Variants in CACNA1B observed in about 807,000 individuals in gnomAD.
The protein encoded by CACNA1B is calcium voltage-gated channel subunit alpha1 B, also known as voltage-dependent N-type calcium channel subunit alpha-1B.
CACNA1B carries 70 observed loss-of-function variants against 247.2 expected under a neutral mutation model. The observed-to-expected ratio is 0.28, with a 90% confidence interval of 0.23 to 0.35. The LOEUF is 0.35. CACNA1B is among the 10% of genes least tolerant of loss of function. The probability of loss-of-function intolerance (pLI) is 1.00; values close to 1 mark genes in which losing one functional copy is unlikely to be tolerated. For missense variants in CACNA1B, 2,367 were observed against 3,197.4 expected, an observed-to-expected ratio of 0.74 and a Z score of 6.26; for synonymous variants, 1,231 against 1,294.4, an observed-to-expected ratio of 0.95 and a Z score of 1.05.
At chr9:138,040,774 C>T in intron 20 of CACNA1B, 1 of 181,770 alleles carries the variant, frequency 5.5e-6, no homozygotes, top group Non-Finnish European at 1.2e-5. Context: ...CTTCCGCAGC[C>T]CACTGACTCA....
chr9:137,880,724 G>A lies in CACNA1B; in HGVS notation c.390+1565G>A, dbSNP rs1357913184. On this transcript the variant is annotated intron_variant, in intron 2 of 46. Coordinates refer to ENST00000371372, the MANE Select transcript of CACNA1B (RefSeq NM_000718.4). This position sits in a 1 kb window ranked among gnomAD's most constrained non-coding sequence, Gnocchi z 4.8. The stretch of plus-strand genomic sequence containing the variant: ...TAGAGGTCTGGGGAGCTCTTGACCA[G>A]TCCCAGTCCCATGTGCAGGCCCAGC... Among the ~76,000 whole-genome samples the A allele has an allele frequency of 1.3e-5, 2 of 152,176 alleles. No homozygotes were observed. The highest frequency in any genetic ancestry group is 4.8e-5 in the African/African-American group (2 of 41,440).
rs1961479240 is a variant in CACNA1B at position 138,107,674 on chromosome 9, A to G, written c.5428+1867A>G. Among the ~76,000 whole-genome samples, 5 of 152,132 alleles carry G rather than the reference A, an allele frequency of 3.3e-5. No homozygotes were observed. In the South Asian group the frequency reaches 8.3e-4, roughly 25 times the overall value. On this transcript the variant is annotated intron_variant, in intron 39 of 46. Coordinates refer to ENST00000371372, the MANE Select transcript of CACNA1B (RefSeq NM_000718.4). ...TCTGTCTGCCTTCAACACAACAGCC[A>G]GAGTGATCAGGTTAAAAAAAAGACT...
At chr9:137,999,172 C>T (rs76206487) in intron 15 of CACNA1B, among the ~76,000 whole-genome samples, 6,540 of 152,014 alleles carry the variant, frequency 0.043, 175 homozygotes, top group South Asian at 0.083. Context: ...CAAAATTTAG[C>T]CAGGTGTGGT....
Position 138,076,837 on chromosome 9 carries a change from C to T in CACNA1B, c.4949+927C>T, listed in dbSNP as rs559038656. Among the ~76,000 whole-genome samples the T allele has an allele frequency of 8.5e-5, 13 of 152,316 alleles. No individual in the cohort carries two copies. The East Asian group carries it at 1.2e-3, about 14-fold the overall frequency. The stretch of plus-strand genomic sequence containing the variant: ...CCCTGCCTGCAGATGCGCGCTGGGG[C>T]GAGCTCAGACCCAGACCTGCTTTGC... On this transcript the variant is annotated intron_variant, in intron 35 of 46. Coordinates refer to ENST00000371372, the MANE Select transcript of CACNA1B (RefSeq NM_000718.4).
At chr9:138,019,750 G>C (rs1958819535) in intron 18 of CACNA1B, among the ~76,000 whole-genome samples, 1 of 152,118 alleles carries the variant, frequency 6.6e-6, no homozygotes, top group Non-Finnish European at 1.5e-5. Context: ...ATGTCTCCTG[G>C]GGCAAGAAAG....
At chr9:137,958,099 A>G (rs1957970838) in intron 10 of CACNA1B, among the ~76,000 whole-genome samples, 1 of 151,560 alleles carries the variant, frequency 6.6e-6, no homozygotes, top group Admixed American at 6.6e-5. Flanking sequence ...TCATTTTGAG[A>G]CACCAAGTCA....
intron 3 of CACNA1B, among the ~76,000 whole-genome samples, chr9:137,894,752 A>G (rs751108204): frequency 2.6e-5 from 4 of 152,084 alleles, no homozygotes; most frequent in Non-Finnish European, 5.9e-5. Context: ...TATTTTGCTC[A>G]TATTCCAGTT....
chr9:138,115,733 A>G, intron 42 of CACNA1B, 54 bp downstream of exon 42: 1 of 1,541,126 alleles, frequency 6.5e-7, no homozygotes, highest in Non-Finnish European at 8.8e-7. Flanking sequence ...AAAGACAGTA[A>G]AGGGGGAAGC....
Position 138,053,858 on chromosome 9 carries a change from T to A in CACNA1B, c.3820T>A (p.Cys1274Ser), listed in dbSNP as rs1246787513. The A allele has an allele frequency of 6.2e-7, 1 of 1,612,490 alleles. No homozygotes were observed. Among genetic ancestry groups the A allele is most frequent in the Non-Finnish European group, 8.5e-7 (1 of 1,178,856 alleles). Residue 1274 changes from cysteine to serine, a missense_variant, in exon 26 of 47, where the codon TGT becomes AGT. Physicochemically the swap from Cys to Ser is moderately radical, Grantham distance 112. Transcript: ENST00000371372. Reference protein sequence around the residue: ...RLPKLKAVFDCVVNSLKNVLN... With the variant: ...RLPKLKAVFDSVVNSLKNVLN... Reference sequence around the variant, plus strand: ...CCTCCTCCTGCAGGCTGTGTTTGACTGTGTGGTGAACTCCCTGAAGAATGT... The same window carrying A: ...CCTCCTCCTGCAGGCTGTGTTTGACAGTGTGGTGAACTCCCTGAAGAATGT...
chr9:138,015,741 C>T (rs765770172), intron 18 of CACNA1B, among the ~76,000 whole-genome samples: 14 of 152,176 alleles, frequency 9.2e-5, no homozygotes, highest in Non-Finnish European at 1.3e-4. Flanking sequence ...GGCACCCTAG[C>T]GTGTCGCATG....
chr9:138,013,246 T>C lies in CACNA1B; in HGVS notation c.2267+11T>C. 1 of 1,564,746 alleles carries C rather than the reference T, an allele frequency of 6.4e-7. No homozygotes were observed. Among genetic ancestry groups the C allele is most frequent in the Non-Finnish European group, 8.7e-7 (1 of 1,155,232 alleles). ...CATCTCCATCGCCGCGTAAGGCTCC[T>C]AGGAGTGGATTGTGGGGTGGCAGTG... On this transcript the variant is annotated intron_variant, in intron 18 of 46. Transcript: ENST00000371372.
At chr9:138,085,313 T>C (rs1357799989) in intron 36 of CACNA1B, among the ~76,000 whole-genome samples, 2 of 150,846 alleles carry the variant, frequency 1.3e-5, no homozygotes, top group African/African-American at 4.9e-5. Context: ...AACTTGAAGA[T>C]AGGTCATTTG....
At chr9:138,095,443 A>G (rs1434959308) in intron 36 of CACNA1B, among the ~76,000 whole-genome samples, 9 of 152,244 alleles carry the variant, frequency 5.9e-5, no homozygotes, top group African/African-American at 2.2e-4. Flanking sequence ...CTATAACAAT[A>G]ATTTTTCTAA....
intron 3 of CACNA1B, among the ~76,000 whole-genome samples, chr9:137,911,485 G>A (rs1477314518): frequency 6.6e-6 from 1 of 152,078 alleles, no homozygotes; most frequent in African/African-American, 2.4e-5. Flanking sequence ...GCGCAATCTC[G>A]GCTCACTGCA....
intron 36 of CACNA1B, among the ~76,000 whole-genome samples, chr9:138,092,008 G>C (rs909219958): frequency 6.6e-6 from 1 of 152,126 alleles, no homozygotes; most frequent in Non-Finnish European, 1.5e-5. Flanking sequence ...AAAGGGGAGA[G>C]GGGTACAAAC....
rs1185664531 is a variant in CACNA1B at position 138,115,539 on chromosome 9, G to GCCT, written c.5650-9_5650-7dup. 1 of 1,610,042 alleles carries GCCT rather than the reference G, an allele frequency of 6.2e-7. No homozygotes were observed. The highest frequency in any genetic ancestry group is 8.5e-7 in the Non-Finnish European group (1 of 1,178,180). ...CATTGGAGCTCTTTCCCTTCCCTTT[G>GCCT]CCTCCTTTGCAGATGGGTCCTGTGT... On this transcript the variant is annotated splice_polypyrimidine_tract_variant and intron_variant, in intron 41 of 46. Coordinates refer to ENST00000371372, the MANE Select transcript of CACNA1B (RefSeq NM_000718.4).
intron 20 of CACNA1B, among the ~76,000 whole-genome samples, chr9:138,028,962 TG>T (rs1958955142): frequency 6.6e-6 from 1 of 152,230 alleles, no homozygotes; most frequent in Non-Finnish European, 1.5e-5. Context: ...GTTAGCCACT[TG>T]GGATCCATCT....
chr9:137,895,917 A>T (rs540288539), intron 3 of CACNA1B, among the ~76,000 whole-genome samples: 13 of 152,272 alleles, frequency 8.5e-5, no homozygotes, highest in Admixed American at 8.5e-4. Flanking sequence ...AAATTTCAGG[A>T]GGAAAACATT....
At position 137,954,893 on chromosome 9, in the gene CACNA1B, A is replaced by T. The variant is rs544851808; in HGVS notation, c.1071-805A>T. On this transcript the variant is annotated intron_variant, in intron 7 of 46. Coordinates refer to ENST00000371372, the MANE Select transcript of CACNA1B (RefSeq NM_000718.4). This position sits in a 1 kb window ranked among gnomAD's most constrained non-coding sequence, Gnocchi z 4.1. Reference sequence around the variant, plus strand: ...GTGTGTGTGTGTGAGAGAGAGAGAGAGAGAGAGAGGGGGAGAGAGAGAGAG... The same window carrying T: ...GTGTGTGTGTGTGAGAGAGAGAGAGTGAGAGAGAGGGGGAGAGAGAGAGAG... Among the ~76,000 whole-genome samples the T allele has an allele frequency of 2.5e-3, 244 of 96,414 alleles. 2 individuals carry two copies. The highest frequency in any genetic ancestry group is 0.02 in the East Asian group (32 of 1,584). The allele number at this position is 96,414 out of a possible 152,430, so 63.3% of individuals were successfully genotyped here.
Sources: gnomAD v4.1 joint callset for allele counts (sites outside exome capture counted in the v4.1 genomes callset) on GRCh38, gnomAD v4.1.1 for gene constraint, Gnocchi (gnomAD v3.1) non-coding constraint, MANE v1.5 for transcripts, NCBI Gene and HGNC (gene_info 2026-07-23, HGNC 2026-07-21) for gene names.